Variants in NCOR1 observed in about 807,000 individuals in gnomAD.
The protein encoded by NCOR1 is protein phosphatase 1, regulatory subunit 109.
Under a neutral mutation model 288.1 loss-of-function variants are expected in NCOR1, and 63 were observed. The ratio of observed to expected loss-of-function variants is 0.22; its 90% confidence interval spans 0.18 to 0.27. The LOEUF (loss-of-function observed/expected upper bound fraction) is 0.27. NCOR1 is among the 10% of genes least tolerant of loss of function. The pLI, the probability that NCOR1 is intolerant of heterozygous loss-of-function variation, is 1.00. For synonymous variants in NCOR1, 1,007 were observed against 1,065.9 expected, an observed-to-expected ratio of 0.94 and a Z score of 1.08; for missense variants, 2,397 against 3,019.2, an observed-to-expected ratio of 0.79 and a Z score of 4.83.
rs1972012571 is a variant in NCOR1, at chr17:16,031,636, A to G, written c.*660T>C. 1 of 226,222 alleles carries G rather than the reference A, an allele frequency of 4.4e-6. No homozygotes were observed. Among genetic ancestry groups the G allele is most frequent in the Non-Finnish European group, 8.8e-6 (1 of 113,688 alleles). 14.0% of individuals were successfully genotyped at this position (226,222 alleles called of 1,614,324 possible). ...AAATTAAAGCCTGCACTGGAAATTT[A>G]CAATATGGCAGAATTTGTTACTTTT... is the stretch of plus-strand genomic sequence containing the variant. On this transcript the variant is annotated 3_prime_UTR_variant, in exon 46 of 46. Coordinates refer to ENST00000268712, the MANE Select transcript of NCOR1 (RefSeq NM_006311.4).
rs1391290639 is a variant in NCOR1 at position 16,138,162 on chromosome 17, C to T, written c.1403G>A (p.Arg468Lys). ...CCAATGCAAACCATGTCTTACCTTC[C>T]TCTCCAAGTATGATGCAATTAGTCC... ...NFGLIASYLERKSVPDCVLYY... is the reference protein window; with the variant it reads ...NFGLIASYLEKKSVPDCVLYY... The change falls in exon 13 of 46, where the codon AGG becomes AAG. Residue 468 changes from arginine to lysine, a missense_variant. Physicochemically the swap from Arg to Lys is conservative, Grantham distance 26. Around this residue, in one of 11 missense-constraint regions of NCOR1, gnomAD observed 80 missense variants for 100.3 expected, o/e 0.80. Transcript: ENST00000268712. 2 of 1,611,770 alleles carry T rather than the reference C, an allele frequency of 1.2e-6. No homozygotes were observed. The highest frequency in any genetic ancestry group is 2.2e-5 in the East Asian group (1 of 44,878).
At chr17:16,118,881 A>C (rs1042774613) in intron 17 of NCOR1, among the ~76,000 whole-genome samples, 40 of 152,338 alleles carry the variant, frequency 2.6e-4, no homozygotes, top group African/African-American at 9.4e-4. Flanking sequence ...AGTAAGAGGA[A>C]GGCCACAAAG....
intron 7 of NCOR1, 88 bp from the exon 8 acceptor site, chr17:16,152,086 G>A: frequency 1.3e-6 from 1 of 749,204 alleles, no homozygotes; most frequent in Non-Finnish European, 2.1e-6. Flanking sequence ...GTAAGCACAG[G>A]TAAAGTACTA....
Position 16,171,936 on chromosome 17 carries a change from T to C in NCOR1, c.302A>G (p.His101Arg), listed in dbSNP as rs779097941. The C allele has an allele frequency of 1.9e-6, 3 of 1,611,782 alleles. No homozygotes were observed. Among genetic ancestry groups the C allele is most frequent in the South Asian group, 2.2e-5 (2 of 90,736 alleles). The change falls in exon 4 of 46, where the codon CAT becomes CGT. Residue 101 changes from histidine (H) to arginine (R), a missense_variant. This residue lies in a region of NCOR1 where 110 missense variants were observed against 123.2 expected (regional missense o/e 0.89). Transcript: ENST00000268712. ...PFHPGPSPVDHDSLESKRPRL... is the reference protein window; with the variant it reads ...PFHPGPSPVDRDSLESKRPRL... ...TGGTCGCTTCGATTCCAGTGAATCA[T>C]GATCCACTGGGGATGGGCCTGGATG...
intron 18 of NCOR1, among the ~76,000 whole-genome samples, chr17:16,110,894 A>C (rs2069971667): frequency 6.6e-6 from 1 of 152,260 alleles, no homozygotes; most frequent in South Asian, 2.1e-4. Flanking sequence ...AGAGAATCCC[A>C]GAGACACACT....
intron 33 of NCOR1, 130 bp from the exon 34 acceptor site, chr17:16,065,149 A>G: frequency 1.2e-6 from 1 of 868,040 alleles, no homozygotes; most frequent in Non-Finnish European, 1.7e-6. Flanking sequence ...AATGTTTACT[A>G]TCATCATTAC....
At chr17:16,075,843 T>TA (rs1250859927) in intron 26 of NCOR1, 141 bp from the exon 27 acceptor site, 12 of 853,448 alleles carry the variant, frequency 1.4e-5, no homozygotes, top group Non-Finnish European at 2.1e-5. Context: ...GAAAGGAAAT[T>TA]AGACATTGAA....
chr17:16,207,288 A>G (rs1280878055), intron 1 of NCOR1, among the ~76,000 whole-genome samples: 1 of 152,244 alleles, frequency 6.6e-6, no homozygotes, highest in East Asian at 1.9e-4. Flanking sequence ...GCCAGGGGAA[A>G]TGAATTGCCT....
At chr17:16,106,883 A>ATATAT (rs1164118180) in intron 19 of NCOR1, among the ~76,000 whole-genome samples, 18 of 31,412 alleles carry the variant, frequency 5.7e-4, no homozygotes, top group Non-Finnish European at 8.8e-4. Flanking sequence ...ATATATATAT[A>ATATAT]TTTTTTTTTT....
At chr17:16,092,673 ATATATATATATATATATATATATTT>A (rs1567958065) in intron 21 of NCOR1, among the ~76,000 whole-genome samples, 2 of 16,324 alleles carry the variant, frequency 1.2e-4, no homozygotes, top group African/African-American at 7.0e-4. Flanking sequence ...ATATATATAT[ATATATATATATATATATATATATTT>A]TTTTTTTTTT....
intron 11 of NCOR1, among the ~76,000 whole-genome samples, chr17:16,141,547 A>G (rs192404682): frequency 1.3e-5 from 2 of 152,324 alleles, no homozygotes; most frequent in Admixed American, 1.3e-4. Context: ...CATACTATAT[A>G]CTTTTATTTA....
At chr17:16,209,553 T>C (rs1178237226) in intron 1 of NCOR1, among the ~76,000 whole-genome samples, 2 of 151,368 alleles carry the variant, frequency 1.3e-5, no homozygotes, top group African/African-American at 4.9e-5. Context: ...AGACCCCATC[T>C]CTATTTTTAA....
rs754227924 is a variant in NCOR1 at position 16,057,784 on chromosome 17, C to CA, written c.6169-48dup. ...AGTGGTAAAATTCATTGAGTACTTG[C>CA]AAAAAAAAAATAGTATTAAGAAATC... On this transcript the variant is annotated intron_variant, in intron 39 of 45. Coordinates refer to ENST00000268712, the MANE Select transcript of NCOR1 (RefSeq NM_006311.4). 4,302 of 1,315,346 alleles carry CA rather than the reference C, an allele frequency of 3.3e-3. 2 individuals carry two copies. Among genetic ancestry groups the CA allele is most frequent in the Middle Eastern group, 6.6e-3 (29 of 4,392 alleles). The allele number at this position is 1,315,346 out of a possible 1,614,324, so 81.5% of individuals were successfully genotyped here.
Position 16,165,129 on chromosome 17 carries a change from T to C in NCOR1, c.468A>G (p.Pro156=), listed in dbSNP as rs755850300. ...ATGGTTGCCCCGAAATTGGAGAGGA[T>C]GGAGCTTCATGTTTGCCTCCGAATG... ...DPAFGGKHEA[P]SSPISGQPCG... is the part of the protein sequence containing the mutation. The change falls in exon 5 of 46, where the codon CCA becomes CCG. Residue 156 remains proline (P), a synonymous_variant. Coordinates refer to ENST00000268712, the MANE Select transcript of NCOR1 (RefSeq NM_006311.4). The C allele has an allele frequency of 6.3e-7, 1 of 1,599,120 alleles. No homozygotes were observed. Among genetic ancestry groups the C allele is most frequent in the Non-Finnish European group, 8.5e-7 (1 of 1,176,824 alleles).
intron 42 of NCOR1, among the ~76,000 whole-genome samples, chr17:16,042,027 C>G (rs2057802426): frequency 1.3e-5 from 2 of 152,170 alleles, no homozygotes; most frequent in Admixed American, 1.3e-4. Context: ...AGCCACCGTG[C>G]CCGGCCAGAA....
In NCOR1 at chr17:16,071,400, C is replaced by A; in HGVS notation, c.4152+9G>T. The A allele has an allele frequency of 6.2e-7, 1 of 1,604,384 alleles. No homozygotes were observed. Among genetic ancestry groups the A allele is most frequent in the Non-Finnish European group, 8.5e-7 (1 of 1,175,078 alleles). On this transcript the variant is annotated intron_variant, in intron 30 of 45. Coordinates refer to ENST00000268712, the MANE Select transcript of NCOR1 (RefSeq NM_006311.4). ...CAGTTACTGACAAAAAGAGCCAAAA[C>A]TTAGTTACCTGGGAAATGGAACCCT... is the stretch of plus-strand genomic sequence containing the variant.
At chr17:16,128,978 G>GATC (rs1250195104) in intron 14 of NCOR1, among the ~76,000 whole-genome samples, 1 of 152,086 alleles carries the variant, frequency 6.6e-6, no homozygotes, top group Non-Finnish European at 1.5e-5. Context: ...AATCTCCCTA[G>GATC]ATCAACATTC....
rs543457829 is a variant in NCOR1, at chr17:16,055,053, G to T, written c.6392+2461C>A. On this transcript the variant is annotated intron_variant, in intron 40 of 45. Transcript: ENST00000268712. ...ATCCTGGCAAGACTGTGGAGAAAAT[G>T]GAACACTTATACACTGTTGGTGGGA... Among the ~76,000 whole-genome samples, 3 of 152,290 alleles carry T rather than the reference G, an allele frequency of 2.0e-5. No individual in the cohort carries two copies. In the South Asian group the frequency reaches 6.2e-4, roughly 32 times the overall value.
intron 40 of NCOR1, among the ~76,000 whole-genome samples, chr17:16,052,711 A>G (rs2059460493): frequency 6.6e-6 from 1 of 152,222 alleles, no homozygotes; most frequent in African/African-American, 2.4e-5. Flanking sequence ...AAAATATTCC[A>G]AACATTAAGG....
Sources: gnomAD v4.1 joint callset for allele counts (sites outside exome capture counted in the v4.1 genomes callset) on GRCh38, gnomAD v4.1.1 for gene constraint, gnomAD v4.1.1 regional missense constraint, MANE v1.5 for transcripts, NCBI Gene and HGNC (gene_info 2026-07-23, HGNC 2026-07-21) for gene names.